DST: variants seen among roughly 807,000 people sequenced by gnomAD.
DST encodes bullous pemphigoid antigen.
A neutral mutation model predicts 875.2 loss-of-function variants in DST; 253 were observed. That is an observed-to-expected ratio of 0.29 (90% CI 0.26 to 0.32). The LOEUF (loss-of-function observed/expected upper bound fraction) is 0.32, where lower values mean the gene tolerates loss of function less well. DST is among the 10% of genes least tolerant of loss of function. The pLI, the probability that DST is intolerant of heterozygous loss-of-function variation, is 1.00. For synonymous variants in DST, 3,124 were observed against 3,197.1 expected (o/e 0.98, Z 0.77); for missense variants, 8,287 against 9,111.6 (o/e 0.91, Z 3.68).
chr6:56,855,059 C>G (rs574108474), intron 3 of DST, among the ~76,000 whole-genome samples: 27 of 152,274 alleles, frequency 1.8e-4, no homozygotes, highest in Admixed American at 3.3e-4. Context: ...CGTCATAATA[C>G]TTTTTAACAG....
intron 98 of DST, 78 bp downstream of exon 98, chr6:56,468,904 T>C (rs1045912592): frequency 7.4e-6 from 9 of 1,211,086 alleles, no homozygotes; most frequent in Middle Eastern, 1.9e-4. Context: ...AGATTGGCCA[T>C]GGCAAGCTTT....
chr6:56,804,080 A>C (rs1051864324), intron 4 of DST, among the ~76,000 whole-genome samples: 3 of 152,230 alleles, frequency 2.0e-5, no homozygotes, highest in Non-Finnish European at 4.4e-5. Context: ...ATACTGTTTA[A>C]ATCATAGATT....
intron 82 of DST, among the ~76,000 whole-genome samples, chr6:56,494,659 C>T (rs1442430747): frequency 1.3e-5 from 2 of 152,030 alleles, no homozygotes; most frequent in Admixed American, 6.6e-5. Context: ...AAATAACCAG[C>T]ACAGTAATAT....
intron 10 of DST, among the ~76,000 whole-genome samples, chr6:56,661,777 G>A (rs1405295237): frequency 2.0e-5 from 3 of 152,038 alleles, no homozygotes; most frequent in African/African-American, 4.8e-5. Context: ...TAGTAGAGCC[G>A]CCGTTTCTCC....
intron 55 of DST, among the ~76,000 whole-genome samples, chr6:56,563,612 G>T (rs1322201244): frequency 1.3e-5 from 2 of 152,150 alleles, no homozygotes; most frequent in Non-Finnish European, 2.9e-5. Context: ...TTTGGCTTTT[G>T]TTGCCATTGC....
chr6:56,851,633 A>G, intron 3 of DST, 29 bp from the exon 4 acceptor site: 1 of 1,606,956 alleles, frequency 6.2e-7, no homozygotes, highest in Non-Finnish European at 8.5e-7. Context: ...AAAAAGCATT[A>G]ACAGCAAAAT....
chr6:56,804,329 C>T (rs13201639), intron 4 of DST, among the ~76,000 whole-genome samples: 24,747 of 151,568 alleles, frequency 0.16, 2,227 homozygotes, highest in Non-Finnish European at 0.19. Context: ...GAAAAGCTGT[C>T]GTTAAGTAAG....
intron 4 of DST, 62 bp from the exon 5 acceptor site, chr6:56,735,351 G>C (rs1370921359): frequency 1.1e-6 from 1 of 945,316 alleles, no homozygotes; most frequent in African/African-American, 1.7e-5. Flanking sequence ...ATGACTTTGT[G>C]ATCATGAATA....
chr6:56,836,986 T>C (rs1256228859), intron 4 of DST, among the ~76,000 whole-genome samples: 1 of 152,130 alleles, frequency 6.6e-6, no homozygotes, highest in Non-Finnish European at 1.5e-5. Flanking sequence ...TAAAAGGATA[T>C]GAATTCAATT....
chr6:56,937,345 C>T (rs890595675), intron 2 of DST, among the ~76,000 whole-genome samples: 3 of 151,980 alleles, frequency 2.0e-5, no homozygotes, highest in Non-Finnish European at 4.4e-5. Flanking sequence ...ATCAATTTTA[C>T]AATGGACAAA....
intron 68 of DST, 88 bp from the exon 69 acceptor site, chr6:56,526,655 C>T (rs1025160206): frequency 2.6e-5 from 32 of 1,220,380 alleles, no homozygotes; most frequent in Admixed American, 2.2e-4. Context: ...CCTTTGCAGG[C>T]GAATAATGTG....
intron 75 of DST, among the ~76,000 whole-genome samples, chr6:56,508,094 G>A (rs2096382029): frequency 6.6e-6 from 1 of 152,142 alleles, no homozygotes; most frequent in Non-Finnish European, 1.5e-5. Context: ...GAGTATAGTG[G>A]CACGATCTTG....
intron 3 of DST, among the ~76,000 whole-genome samples, chr6:56,868,361 CACAAATCCATCATCTCT>C (rs913219390): frequency 2.0e-5 from 3 of 152,072 alleles, no homozygotes; most frequent in Non-Finnish European, 4.4e-5. Context: ...CTAAATTGTC[CACAAATCCATCATCTCT>C]AAAGCTTTTT....
intron 72 of DST, among the ~76,000 whole-genome samples, chr6:56,511,831 AAGAGAG>A: frequency 6.6e-6 from 1 of 151,256 alleles, no homozygotes; most frequent in East Asian, 1.9e-4. Flanking sequence ...AAGAAAGAAA[AAGAGAG>A]AGAGAGAGAG....
At position 56,566,249 on chromosome 6, in the gene DST, A is replaced by G. The variant is rs548663133; in HGVS notation, c.14005+2220T>C. Among the ~76,000 whole-genome samples, 3 of 152,282 alleles carry G rather than the reference A, an allele frequency of 2.0e-5. No homozygotes were observed. The South Asian group carries it at 6.2e-4, about 32-fold the overall frequency. On this transcript the variant is annotated intron_variant, in intron 55 of 103. Transcript: ENST00000680361. ...TCCAGGTGCCACTGCAGTATAGAAA[A>G]AAAAACTCCTGCAGCTAGCTTGGTG...
intron 55 of DST, among the ~76,000 whole-genome samples, chr6:56,565,112 C>CTT (rs1157403022): frequency 5.2e-5 from 7 of 134,472 alleles, no homozygotes; most frequent in South Asian, 2.4e-4. Flanking sequence ...TTTCTCTTTT[C>CTT]TTTTTTTTTT....
chr6:56,631,705 G>C (rs900981565), intron 29 of DST, among the ~76,000 whole-genome samples, 178 bp downstream of exon 29: 3 of 152,054 alleles, frequency 2.0e-5, no homozygotes, highest in Non-Finnish European at 4.4e-5. Flanking sequence ...ATGTTTACCT[G>C]AGTCAGAGGT....
chr6:56,620,168 T>TTC (rs1416217447), intron 36 of DST: 2 of 1,613,674 alleles, frequency 1.2e-6, no homozygotes, highest in Non-Finnish European at 1.7e-6. Flanking sequence ...CTTTATCAGC[T>TTC]TCAAGAGTTC....
chr6:56,458,888 T>G lies in DST; in HGVS notation c.*117A>C. 1.5e-5 allele frequency: 17 copies of G among 1,139,364 alleles called. No individual in the cohort carries two copies. Among genetic ancestry groups the G allele is most frequent in the Non-Finnish European group, 2.1e-5 (17 of 827,858 alleles). The allele number at this position is 1,139,364 out of a possible 1,614,324, so 70.6% of individuals were successfully genotyped here. On this transcript the variant is annotated 3_prime_UTR_variant, in exon 104 of 104. Coordinates refer to ENST00000680361, the MANE Select transcript of DST (RefSeq NM_001374736.1). ...AGACAAATACACAAATAAGGCCATC[T>G]GCAGAATTTTAAACTCGCCTCTTGC...
Sources: allele counts gnomAD v4.1 joint callset (sites outside exome capture counted in the v4.1 genomes callset), GRCh38; gene constraint gnomAD v4.1.1; transcripts MANE v1.5; gene names NCBI Gene and HGNC (gene_info 2026-07-23, HGNC 2026-07-21).